Variants in GPRIN3 observed in about 807,000 individuals in gnomAD.
GPRIN3 encodes GPRIN family member 3, also known as G protein-regulated inducer of neurite outgrowth 3.
A neutral mutation model predicts 13.7 loss-of-function variants in GPRIN3; 12 were observed. That is an observed-to-expected ratio of 0.87 (90% CI 0.56 to 1.42). The LOEUF is 1.42. Ranked by LOEUF, GPRIN3 falls within the 40% of genes most tolerant of loss-of-function variation. The probability of loss-of-function intolerance (pLI) is 0.00; values close to 1 mark genes in which losing one functional copy is unlikely to be tolerated. For synonymous variants in GPRIN3, 377 were observed against 372.7 expected, an observed-to-expected ratio of 1.01 and a Z score of -0.13; for missense variants, 1,009 against 958.7, an observed-to-expected ratio of 1.05 and a Z score of -0.69.
intron 1 of GPRIN3, among the ~76,000 whole-genome samples, chr4:89,282,606 T>TC (rs1234230073): frequency 3.3e-5 from 5 of 151,916 alleles, no homozygotes; most frequent in Non-Finnish European, 7.4e-5. Context: ...TTTTTTTTTT[T>TC]TTTTTTTTTA....
At chr4:89,278,322 A>T (rs1724151254) in intron 1 of GPRIN3, among the ~76,000 whole-genome samples, 1 of 152,238 alleles carries the variant, frequency 6.6e-6, no homozygotes, top group Non-Finnish European at 1.5e-5. Flanking sequence ...CTGTAAAAAC[A>T]TGCCATTAGT....
intron 1 of GPRIN3, among the ~76,000 whole-genome samples, chr4:89,256,831 A>G (rs1406816011): frequency 6.6e-6 from 1 of 152,236 alleles, no homozygotes; most frequent in Non-Finnish European, 1.5e-5. Context: ...CTAATCCTCA[A>G]GAAAAGAGTA....
At chr4:89,260,434 G>A (rs1723592553) in intron 1 of GPRIN3, among the ~76,000 whole-genome samples, 1 of 152,162 alleles carries the variant, frequency 6.6e-6, no homozygotes, top group Admixed American at 6.5e-5. Context: ...AAAAAAGCGA[G>A]GAAGAGAAGG....
chr4:89,244,369 TAA>T lies in GPRIN3; in HGVS notation c.*3409_*3410del. On this transcript the variant is annotated 3_prime_UTR_variant, in exon 2 of 2. Transcript: ENST00000609438. Reference sequence around the variant, plus strand: ...AACAGTATCAGAGAATTCTCAAGATTAAAAAAAATTATCAAAGATCAAATTAC... The same window carrying T: ...AACAGTATCAGAGAATTCTCAAGATTAAAAAATTATCAAAGATCAAATTAC... 6.6e-6 allele frequency: 1 copy of T among 152,068 alleles called. No homozygotes were observed. Among genetic ancestry groups the T allele is most frequent in the Middle Eastern group, 3.4e-3 (1 of 294 alleles). The allele number at this position is 152,068 out of a possible 1,614,324, so 9.4% of individuals were successfully genotyped here. A position where few individuals can be genotyped will look rare whatever the true frequency, so the allele number is the denominator to read the frequency against.
rs1482166133 is a variant in GPRIN3 at position 89,241,132 on chromosome 4, T to C, written c.*6648A>G. 6.6e-6 allele frequency: 1 copy of C among 152,114 alleles called. No individual in the cohort carries two copies. Among genetic ancestry groups the C allele is most frequent in the Non-Finnish European group, 1.5e-5 (1 of 68,004 alleles). 9.4% of individuals were successfully genotyped at this position (152,114 alleles called of 1,614,324 possible). ...GGCATGGTTACTTAGCCCTGGCATA[T>C]TTAATAATATGCCAATGTACTGATT... is the stretch of plus-strand genomic sequence containing the variant. On this transcript the variant is annotated 3_prime_UTR_variant, in exon 2 of 2. Transcript: ENST00000609438.
intron 1 of GPRIN3, among the ~76,000 whole-genome samples, chr4:89,269,715 A>G (rs1400572338): frequency 1.3e-5 from 2 of 152,222 alleles, no homozygotes; most frequent in Admixed American, 6.5e-5. Flanking sequence ...AAAAACCATG[A>G]GGATTGTGCA....
chr4:89,247,426 T>G lies in GPRIN3; in HGVS notation c.*354A>C. 1 of 182,242 alleles carries G rather than the reference T, an allele frequency of 5.5e-6. No homozygotes were observed. Among genetic ancestry groups the G allele is most frequent in the Non-Finnish European group, 1.1e-5 (1 of 87,440 alleles). The allele number at this position is 182,242 out of a possible 1,614,324, so 11.3% of individuals were successfully genotyped here. On this transcript the variant is annotated 3_prime_UTR_variant, in exon 2 of 2. Coordinates refer to ENST00000609438, the MANE Select transcript of GPRIN3 (RefSeq NM_198281.3). ...GGATTTTAATGGAACTACTACTGTG[T>G]GATAAATTGAGGCAGTTATACAAAA...
At chr4:89,296,672 TG>T (rs1352121314) in intron 1 of GPRIN3, among the ~76,000 whole-genome samples, 3 of 152,228 alleles carry the variant, frequency 2.0e-5, no homozygotes, top group Non-Finnish European at 4.4e-5. Flanking sequence ...TGTGTGCATA[TG>T]TATGTGTGTG....
chr4:89,251,654 T>C (rs1723330033), intron 1 of GPRIN3, among the ~76,000 whole-genome samples: 1 of 152,190 alleles, frequency 6.6e-6, no homozygotes, highest in African/African-American at 2.4e-5. Context: ...ATGGAAGAGA[T>C]TTCCTCAAGG....
intron 1 of GPRIN3, among the ~76,000 whole-genome samples, chr4:89,289,616 T>C (rs1724517826): frequency 6.6e-6 from 1 of 152,136 alleles, no homozygotes; most frequent in African/African-American, 2.4e-5. Context: ...TTCAGAAACG[T>C]ATGAGTTTTG....
At chr4:89,290,717 A>G (rs1578110423) in intron 1 of GPRIN3, among the ~76,000 whole-genome samples, 1 of 152,282 alleles carries the variant, frequency 6.6e-6, no homozygotes, top group South Asian at 2.1e-4. Context: ...TAGGGACTCT[A>G]AGAAGCTCCC....
chr4:89,289,143 T>C (rs1724503374), intron 1 of GPRIN3, among the ~76,000 whole-genome samples: 1 of 150,178 alleles, frequency 6.7e-6, no homozygotes, highest in Non-Finnish European at 1.5e-5. Flanking sequence ...GATAATCTCG[T>C]ATGATCTTAG....
chr4:89,276,840 T>C (rs1424274912), intron 1 of GPRIN3, among the ~76,000 whole-genome samples: 1 of 152,126 alleles, frequency 6.6e-6, no homozygotes, highest in Non-Finnish European at 1.5e-5. Context: ...TCTAGCAGCA[T>C]GAGATGAGCT....
At chr4:89,283,886 A>G (rs1724327949) in intron 1 of GPRIN3, among the ~76,000 whole-genome samples, 2 of 152,300 alleles carry the variant, frequency 1.3e-5, no homozygotes, top group South Asian at 4.1e-4. Flanking sequence ...AAAGGGTGTG[A>G]CAAAGTAAAA....
rs1016957959 is a variant in GPRIN3, at chr4:89,240,954, C to A, written c.*6826G>T. 3 of 152,096 alleles carry A rather than the reference C, an allele frequency of 2.0e-5. No homozygotes were observed. The highest frequency in any genetic ancestry group is 6.6e-5 in the Admixed American group (1 of 15,262). The allele number at this position is 152,096 out of a possible 1,614,324, so 9.4% of individuals were successfully genotyped here. On this transcript the variant is annotated 3_prime_UTR_variant, in exon 2 of 2. Coordinates refer to ENST00000609438, the MANE Select transcript of GPRIN3 (RefSeq NM_198281.3). Reference sequence around the variant, plus strand: ...ACTGTTTCATCTTCCTTCTTTCCTGCAACTGCTTTGAGGATTTAGATAATT... The same window carrying A: ...ACTGTTTCATCTTCCTTCTTTCCTGAAACTGCTTTGAGGATTTAGATAATT...
At chr4:89,250,677 G>A (rs1331459477) in intron 1 of GPRIN3, 3 of 151,984 alleles carry the variant, frequency 2.0e-5, no homozygotes, top group Non-Finnish European at 4.4e-5. Context: ...ATATAAATGG[G>A]GACTTAATCT....
rs1166040741 is a variant in GPRIN3, at chr4:89,237,100, G to A, written c.*10680C>T. ...TCAAGCGGGACTAAAAAAGGTGTAG[G>A]GAAATACCATTCTTGAGATGCCAGT... On this transcript the variant is annotated 3_prime_UTR_variant, in exon 2 of 2. Coordinates refer to ENST00000609438, the MANE Select transcript of GPRIN3 (RefSeq NM_198281.3). The A allele has an allele frequency of 1.3e-5, 2 of 152,086 alleles. No homozygotes were observed. The highest frequency in any genetic ancestry group is 4.8e-5 in the African/African-American group (2 of 41,402). The allele number at this position is 152,086 out of a possible 1,614,324, so 9.4% of individuals were successfully genotyped here.
At chr4:89,270,022 C>T (rs1218734090) in intron 1 of GPRIN3, among the ~76,000 whole-genome samples, 1 of 152,100 alleles carries the variant, frequency 6.6e-6, no homozygotes, top group African/African-American at 2.4e-5. Flanking sequence ...ATCTTTAATT[C>T]TCATTTAAGG....
At chr4:89,296,668 CATATGT>C (rs917868020) in intron 1 of GPRIN3, among the ~76,000 whole-genome samples, 4 of 151,908 alleles carry the variant, frequency 2.6e-5, no homozygotes, top group Admixed American at 6.6e-5. Flanking sequence ...TGTGTGTGTG[CATATGT>C]ATGTGTGTGG....
Sources: gnomAD v4.1 joint callset for allele counts (sites outside exome capture counted in the v4.1 genomes callset) on GRCh38, gnomAD v4.1.1 for gene constraint, MANE v1.5 for transcripts, NCBI Gene and HGNC (gene_info 2026-07-23, HGNC 2026-07-21) for gene names.